The following ARHGAP26 variants were observed in gnomAD, a reference collection of about 807,000 sequenced individuals.
ARHGAP26 encodes rho GTPase-activating protein 26.
Under a neutral mutation model 104.8 loss-of-function variants are expected in ARHGAP26, and 38 were observed. That is an observed-to-expected ratio of 0.36 (90% CI 0.28 to 0.48). ARHGAP26 has a LOEUF of 0.48. Ranked by LOEUF, ARHGAP26 falls within the 20% of genes least tolerant of loss-of-function variation. The pLI, the probability that ARHGAP26 is intolerant of heterozygous loss-of-function variation, is 0.99. For synonymous variants in ARHGAP26, 341 were observed against 340.0 expected (o/e 1.00, Z -0.03); for missense variants, 704 against 947.9 (o/e 0.74, Z 3.38).
chr5:142,773,663 T>C (rs553831696), intron 1 of ARHGAP26, among the ~76,000 whole-genome samples: 2 of 152,390 alleles, frequency 1.3e-5, no homozygotes, highest in South Asian at 4.1e-4. Flanking sequence ...TCTGAAGTTT[T>C]GGAGTTCTTT....
intron 4 of ARHGAP26, among the ~76,000 whole-genome samples, chr5:142,884,721 G>A (rs950366899): frequency 1.3e-5 from 2 of 152,172 alleles, no homozygotes; most frequent in Non-Finnish European, 2.9e-5. Flanking sequence ...AAATGGTGCC[G>A]TAGTAAACAA....
In ARHGAP26 at chr5:143,207,263, G is replaced by A. The variant is rs1223806659; in HGVS notation, c.2054G>A (p.Ser685Asn). 2 of 1,614,130 alleles carry A rather than the reference G, an allele frequency of 1.2e-6. No homozygotes were observed. Among genetic ancestry groups the A allele is most frequent in the Non-Finnish European group, 1.7e-6 (2 of 1,180,032 alleles). Residue 685 changes from serine (S) to asparagine (N), a missense_variant, in exon 21 of 23, where the codon AGC (serine) becomes AAC (asparagine). Around this residue, in one of 6 missense-constraint regions of ARHGAP26, gnomAD observed 217 missense variants for 242.6 expected, o/e 0.89. Transcript: ENST00000645722. ...TGGCCCATGTTCTCGGCGCCATCCA[G>A]CCCTATGCCCACCTCATCCACGTCC... ...PSWPMFSAPS[S>N]PMPTSSTSSD...
At chr5:143,122,948 G>T (rs1167786386) in intron 18 of ARHGAP26, among the ~76,000 whole-genome samples, 1 of 152,188 alleles carries the variant, frequency 6.6e-6, no homozygotes, top group Non-Finnish European at 1.5e-5. Flanking sequence ...AAATTATAGG[G>T]CATGTAATAA....
chr5:142,871,825 A>G lies in ARHGAP26; in HGVS notation c.155-1575A>G, dbSNP rs114336844. Among the ~76,000 whole-genome samples the G allele has an allele frequency of 4.3e-3, 655 of 152,312 alleles. 5 individuals carry two copies. The highest frequency in any genetic ancestry group is 0.015 in the African/African-American group (629 of 41,568). On this transcript the variant is annotated intron_variant, in intron 1 of 22. Coordinates refer to ENST00000645722, the MANE Select transcript of ARHGAP26 (RefSeq NM_001135608.3). The surrounding 1 kb of genome is among the most constrained non-coding windows in gnomAD (Gnocchi z 4.1). ...ATCTTTTGACATTTTGGTAAGGACCATTCTGTGAAAGTGACTGAACGAGGG... is the reference window on the plus strand; with the variant it reads ...ATCTTTTGACATTTTGGTAAGGACCGTTCTGTGAAAGTGACTGAACGAGGG...
intron 1 of ARHGAP26, among the ~76,000 whole-genome samples, chr5:142,798,613 G>A (rs1242338308): frequency 6.6e-6 from 1 of 152,224 alleles, no homozygotes; most frequent in Non-Finnish European, 1.5e-5. Context: ...ACTCTGCCTG[G>A]AAGGGTGGTG....
intron 12 of ARHGAP26, among the ~76,000 whole-genome samples, chr5:143,035,802 G>C (rs1782543234): frequency 6.6e-6 from 1 of 151,916 alleles, no homozygotes; most frequent in Non-Finnish European, 1.5e-5. Context: ...CAGATGTGGT[G>C]GTGGGTGCCT....
intron 11 of ARHGAP26, among the ~76,000 whole-genome samples, chr5:142,981,601 T>C (rs1205354753): frequency 6.6e-6 from 1 of 152,238 alleles, no homozygotes; most frequent in Non-Finnish European, 1.5e-5. Flanking sequence ...AGTGTGCTCT[T>C]GATAGTCATT....
chr5:142,867,141 A>C (rs1376286374), intron 1 of ARHGAP26, among the ~76,000 whole-genome samples: 1 of 152,114 alleles, frequency 6.6e-6, no homozygotes, highest in Non-Finnish European at 1.5e-5. Flanking sequence ...TTTCTCCTTG[A>C]GTCTTAGCTG....
intron 5 of ARHGAP26, among the ~76,000 whole-genome samples, chr5:142,886,518 T>C (rs762727115): frequency 7.2e-5 from 11 of 152,232 alleles, no homozygotes; most frequent in Non-Finnish European, 1.2e-4. Context: ...AGGTTTATAA[T>C]GGACTTTGTA....
At chr5:143,029,785 G>GT (rs1255829063) in intron 12 of ARHGAP26, among the ~76,000 whole-genome samples, 1 of 151,996 alleles carries the variant, frequency 6.6e-6, no homozygotes, top group African/African-American at 2.4e-5. Context: ...GGTTTGGTTT[G>GT]TTTTTTTCTT....
rs1367368955 is a variant in ARHGAP26, at chr5:143,002,594, G to A, written c.1108-11486G>A. 2.0e-5 allele frequency among the ~76,000 whole-genome samples: 3 copies of A among 152,094 alleles called. No homozygotes were observed. In the East Asian group the frequency reaches 5.8e-4, roughly 29 times the overall value. The stretch of plus-strand genomic sequence containing the variant: ...GTAAGACTCCTCACACTGTGACCTG[G>A]CCACATCCTACATACATGTCAGCTT... On this transcript the variant is annotated intron_variant, in intron 11 of 22. Coordinates refer to ENST00000645722, the MANE Select transcript of ARHGAP26 (RefSeq NM_001135608.3).
intron 20 of ARHGAP26, among the ~76,000 whole-genome samples, chr5:143,189,524 G>A (rs940877496): frequency 3.9e-5 from 6 of 152,108 alleles, no homozygotes; most frequent in Non-Finnish European, 8.8e-5. Flanking sequence ...GGTTGTTTAC[G>A]AGTTTATTTT....
intron 17 of ARHGAP26, among the ~76,000 whole-genome samples, chr5:143,097,396 C>T (rs1401016671): frequency 2.1e-5 from 3 of 145,542 alleles, no homozygotes; most frequent in Non-Finnish European, 3.0e-5. Flanking sequence ...GCATATCTGA[C>T]TGTAAAGTAC....
intron 17 of ARHGAP26, among the ~76,000 whole-genome samples, chr5:143,058,658 C>G (rs1435400085): frequency 6.6e-6 from 1 of 152,252 alleles, no homozygotes; most frequent in Non-Finnish European, 1.5e-5. Context: ...CCATACTTTG[C>G]TATGCCATTA....
rs778560183 is a variant in ARHGAP26 at position 143,222,363 on chromosome 5, C to G, written c.2197C>G (p.Pro733Ala). 6 of 1,595,348 alleles carry G rather than the reference C, an allele frequency of 3.8e-6. No homozygotes were observed. Among genetic ancestry groups the G allele is most frequent in the East Asian group, 4.5e-5 (2 of 44,656 alleles). ...TCTCTCCCCTTCCTGTACAGTTCACCCATCTCAGGAGCCTGGCTGGTTGGA... is the reference window on the plus strand; with the variant it reads ...TCTCTCCCCTTCCTGTACAGTTCACGCATCTCAGGAGCCTGGCTGGTTGGA... ...TAGTVFDNVH[P>A]SQEPGWLEGT... Residue 733 changes from proline (P) to alanine (A), a missense_variant, in exon 23 of 23, where the codon CCA becomes GCA. Physicochemically the swap from Pro to Ala is conservative, Grantham distance 27. Transcript: ENST00000645722.
intron 19 of ARHGAP26, among the ~76,000 whole-genome samples, chr5:143,141,620 G>A (rs1307557199): frequency 6.6e-6 from 1 of 152,200 alleles, no homozygotes; most frequent in Non-Finnish European, 1.5e-5. Context: ...TGGTATAAAA[G>A]TAGGTGTGTA....
chr5:142,783,155 C>T (rs527249836), intron 1 of ARHGAP26, among the ~76,000 whole-genome samples: 3 of 152,336 alleles, frequency 2.0e-5, no homozygotes, highest in East Asian at 1.9e-4. Context: ...TCTCCAGCCT[C>T]GTGGGCACAT....
At position 143,110,449 on chromosome 5, in the gene ARHGAP26, A is replaced by G. The variant is rs965589832; in HGVS notation, c.1539-10539A>G. Among the ~76,000 whole-genome samples, 7 of 152,332 alleles carry G rather than the reference A, an allele frequency of 4.6e-5. No individual in the cohort carries two copies. The East Asian group carries it at 1.3e-3, about 29-fold the overall frequency. ...TAGAAAGTCCCAAAGCAATGTCTCC[A>G]TGGCTTGCTTGACTTTGGGACAATG... On this transcript the variant is annotated intron_variant, in intron 17 of 22. Coordinates refer to ENST00000645722, the MANE Select transcript of ARHGAP26 (RefSeq NM_001135608.3).
chr5:142,775,377 T>C (rs1756101128), intron 1 of ARHGAP26, among the ~76,000 whole-genome samples: 3 of 152,222 alleles, frequency 2.0e-5, no homozygotes, highest in Admixed American at 2.0e-4. Flanking sequence ...TCTTTTCATA[T>C]TGCTTTCTTG....
Sources: gnomAD v4.1 joint callset for allele counts (sites outside exome capture counted in the v4.1 genomes callset) on GRCh38, gnomAD v4.1.1 for gene constraint, gnomAD v4.1.1 regional missense constraint, Gnocchi (gnomAD v3.1) non-coding constraint, MANE v1.5 for transcripts, NCBI Gene and HGNC (gene_info 2026-07-23, HGNC 2026-07-21) for gene names.